NFATC3: variants seen among roughly 807,000 people sequenced by gnomAD.
NFATC3 encodes the protein nuclear factor of activated T-cells, cytoplasmic 3.
NFATC3 carries 46 observed loss-of-function variants against 98.6 expected under a neutral mutation model. That is an observed-to-expected ratio of 0.47 (90% CI 0.37 to 0.60). The LOEUF is 0.60. Ranked by LOEUF, NFATC3 falls within the 20% of genes least tolerant of loss-of-function variation. The pLI is 0.00. For missense variants in NFATC3, 1,256 were observed against 1,295.5 expected, an observed-to-expected ratio of 0.97 and a Z score of 0.47; for synonymous variants, 512 against 472.2, an observed-to-expected ratio of 1.08 and a Z score of -1.09.
At chr16:68,119,848 G>C (rs1040989214) in intron 1 of NFATC3, among the ~76,000 whole-genome samples, 3 of 152,096 alleles carry the variant, frequency 2.0e-5, no homozygotes, top group Non-Finnish European at 2.9e-5. Flanking sequence ...GAACATGCCT[G>C]CTTACATAGT....
chr16:68,200,716 A>C (rs984589977), intron 9 of NFATC3: 2 of 152,154 alleles, frequency 1.3e-5, no homozygotes, highest in South Asian at 4.1e-4. Flanking sequence ...TATTTTCTTC[A>C]CTACCTCCAT....
At chr16:68,155,109 T>C (rs1371963718) in intron 3 of NFATC3, among the ~76,000 whole-genome samples, 1 of 152,214 alleles carries the variant, frequency 6.6e-6, no homozygotes, top group African/African-American at 2.4e-5. Context: ...TCTTAATGTC[T>C]TCTTCTGGGT....
At chr16:68,167,318 A>C (rs1334031517) in intron 5 of NFATC3, among the ~76,000 whole-genome samples, 1 of 152,218 alleles carries the variant, frequency 6.6e-6, no homozygotes, top group Non-Finnish European at 1.5e-5. Flanking sequence ...CTGAGGACCA[A>C]ATCATGAAGC....
chr16:68,141,113 TC>T (rs1234219176), intron 3 of NFATC3, among the ~76,000 whole-genome samples: 1 of 152,220 alleles, frequency 6.6e-6, no homozygotes. Context: ...TTCAGTACCA[TC>T]CAAGTTGCTG....
At chr16:68,189,796 G>A (rs963881997) in intron 8 of NFATC3, among the ~76,000 whole-genome samples, 1 of 152,136 alleles carries the variant, frequency 6.6e-6, no homozygotes, top group African/African-American at 2.4e-5. Flanking sequence ...ATGCACAGTG[G>A]CTTATGCCTA....
chr16:68,191,916 A>C, intron 9 of NFATC3, 141 bp downstream of exon 9: 1 of 906,230 alleles, frequency 1.1e-6, no homozygotes, highest in Non-Finnish European at 1.7e-6. Context: ...AATATATGTT[A>C]ATATATAACT....
intron 1 of NFATC3, among the ~76,000 whole-genome samples, chr16:68,092,883 C>A (rs572928311): frequency 8.7e-4 from 133 of 152,298 alleles, no homozygotes; most frequent in African/African-American, 3.1e-3. Flanking sequence ...TTGCCACTTC[C>A]TGAAAATGAC....
At chr16:68,138,854 T>TA in intron 3 of NFATC3, 1 of 1,122,052 alleles carries the variant, frequency 8.9e-7, no homozygotes, top group African/African-American at 1.6e-5. Flanking sequence ...AAGTCACTAA[T>TA]ACGGGCTCTA....
intron 8 of NFATC3, among the ~76,000 whole-genome samples, chr16:68,187,560 C>T (rs1598541514): frequency 6.6e-6 from 1 of 152,144 alleles, no homozygotes; most frequent in Middle Eastern, 3.4e-3. Flanking sequence ...GCCAGGGTGT[C>T]CCAAGTGTTC....
chr16:68,085,794 G>C lies in NFATC3; in HGVS notation c.103+10G>C. ...GGCTCGCGGCCTGCAGGTGGGTGCC[G>C]GGCCAGGCGGGACCGTGGAGCGACC... On this transcript the variant is annotated intron_variant, in intron 1 of 9. Coordinates refer to ENST00000346183, the MANE Select transcript of NFATC3 (RefSeq NM_173165.3). 6.9e-7 allele frequency: 1 copy of C among 1,451,990 alleles called. No individual in the cohort carries two copies. The allele number at this position is 1,451,990 out of a possible 1,614,324, so 89.9% of individuals were successfully genotyped here.
At chr16:68,106,768 T>A (rs758295197) in intron 1 of NFATC3, among the ~76,000 whole-genome samples, 12 of 151,978 alleles carry the variant, frequency 7.9e-5, no homozygotes, top group Non-Finnish European at 1.2e-4. Flanking sequence ...AATTTAATTT[T>A]AAGTTCTTGG....
At chr16:68,116,624 A>G (rs12447640) in intron 1 of NFATC3, among the ~76,000 whole-genome samples, 18,084 of 152,178 alleles carry the variant, frequency 0.12, 1,215 homozygotes, top group South Asian at 0.2. Context: ...ATTCCCACAA[A>G]TTTTGTGTGC....
chr16:68,168,472 T>TAA (rs2039316553), intron 5 of NFATC3, among the ~76,000 whole-genome samples: 1 of 100,062 alleles, frequency 1.0e-5, no homozygotes, highest in Admixed American at 9.6e-5. Flanking sequence ...TTGTATTCTT[T>TAA]TATTATTATT....
rs1457802760 is a variant in NFATC3 at position 68,227,413 on chromosome 16, C to T, written c.*942C>T. The T allele has an allele frequency of 6.6e-6, 1 of 152,184 alleles. No homozygotes were observed. Among genetic ancestry groups the T allele is most frequent in the South Asian group, 2.1e-4 (1 of 4,834 alleles). The allele number at this position is 152,184 out of a possible 1,614,324, so 9.4% of individuals were successfully genotyped here. A position where few individuals can be genotyped will look rare whatever the true frequency, so the allele number is the denominator to read the frequency against. ...GTTCTGTGACCTTTGAAGCCAGTCT[C>T]AGTGGTTTAGGCAGCTTTGCAGTTC... On this transcript the variant is annotated 3_prime_UTR_variant, in exon 10 of 10. Coordinates refer to ENST00000346183, the MANE Select transcript of NFATC3 (RefSeq NM_173165.3).
Position 68,194,197 on chromosome 16 carries a change from G to C in NFATC3, c.3106+2422G>C, listed in dbSNP as rs148847812. Among the ~76,000 whole-genome samples, 1,053 of 152,208 alleles carry C rather than the reference G, an allele frequency of 6.9e-3. 17 individuals are homozygous for C. Among genetic ancestry groups the C allele is most frequent in the African/African-American group, 0.024 (980 of 41,530 alleles). On this transcript the variant is annotated intron_variant, in intron 9 of 9. Transcript: ENST00000346183. The stretch of plus-strand genomic sequence containing the variant: ...ACTGGTTCAATCCAGTCTTTTTCTT[G>C]TGGCACTACAGCTGCCTCTCAGAAA...
chr16:68,097,504 A>G (rs78961715), intron 1 of NFATC3, among the ~76,000 whole-genome samples: 5,775 of 152,318 alleles, frequency 0.038, 120 homozygotes, highest in Middle Eastern at 0.15. Flanking sequence ...GATATTGATG[A>G]TAGTTGAAGT....
intron 1 of NFATC3, among the ~76,000 whole-genome samples, chr16:68,113,877 T>G (rs2036118802): frequency 6.6e-6 from 1 of 152,252 alleles, no homozygotes; most frequent in Non-Finnish European, 1.5e-5. Context: ...CACTGTGTTG[T>G]GCTGTGGGGA....
chr16:68,090,269 G>C (rs1400844490), intron 1 of NFATC3, among the ~76,000 whole-genome samples: 1 of 148,872 alleles, frequency 6.7e-6, no homozygotes, highest in Non-Finnish European at 1.5e-5. Flanking sequence ...TTAAGTGGTG[G>C]TAACTAAAAT....
At chr16:68,125,841 A>G (rs999898862) in intron 2 of NFATC3, among the ~76,000 whole-genome samples, 1 of 152,170 alleles carries the variant, frequency 6.6e-6, no homozygotes, top group Non-Finnish European at 1.5e-5. Context: ...TCAAAAAAAT[A>G]TGGGAAACCA....
Sources: allele counts gnomAD v4.1 joint callset (sites outside exome capture counted in the v4.1 genomes callset), GRCh38; gene constraint gnomAD v4.1.1; transcripts MANE v1.5; gene names NCBI Gene and HGNC (gene_info 2026-07-23, HGNC 2026-07-21).